XPOT: variants seen among roughly 807,000 people sequenced by gnomAD.
XPOT encodes exportin-T.
Under a neutral mutation model 128.2 loss-of-function variants are expected in XPOT, and 34 were observed. The ratio of observed to expected loss-of-function variants is 0.27; its 90% CI spans 0.20 to 0.35. XPOT has a LOEUF of 0.35. Among genes scored for constraint, XPOT ranks in the 10% least tolerant of loss-of-function variants. The probability of loss-of-function intolerance (pLI) is 1.00; values close to 1 mark genes in which losing one functional copy is unlikely to be tolerated. For synonymous variants in XPOT, 348 were observed against 394.3 expected, an observed-to-expected ratio of 0.88 and a Z score of 1.39; for missense variants, 838 against 1,125.3, an observed-to-expected ratio of 0.74 and a Z score of 3.65.
rs2040240778 is a variant in XPOT at position 64,431,770 on chromosome 12, A to C, written c.2209A>C (p.Lys737Gln). The C allele has an allele frequency of 6.2e-7, 1 of 1,614,014 alleles. No individual in the cohort carries two copies. Among genetic ancestry groups the C allele is most frequent in the Admixed American group, 1.7e-5 (1 of 60,004 alleles). ...ACATATGCTCAAAGATTGTGAAGCAAAAGATCTCCAGGAGTTCATTCCTCT... is the reference window on the plus strand; with the variant it reads ...ACATATGCTCAAAGATTGTGAAGCACAAGATCTCCAGGAGTTCATTCCTCT... Reference protein sequence around the residue: ...SEHMLKDCEAKDLQEFIPLIN... With the variant: ...SEHMLKDCEAQDLQEFIPLIN... The change falls in exon 18 of 25, where the codon AAA (lysine) becomes CAA (glutamine). Residue 737 changes from lysine (K) to glutamine (Q), a missense_variant. Coordinates refer to ENST00000332707, the MANE Select transcript of XPOT (RefSeq NM_007235.6).
Position 64,410,089 on chromosome 12 carries a change from A to G in XPOT, c.54A>G (p.Arg18=), listed in dbSNP as rs759513809. 1 of 1,613,736 alleles carries G rather than the reference A, an allele frequency of 6.2e-7. No homozygotes were observed. Among genetic ancestry groups the G allele is most frequent in the South Asian group, 1.1e-5 (1 of 91,086 alleles). Residue 18 remains arginine, a synonymous_variant, in exon 2 of 25, where the codon AGA becomes AGG. Coordinates refer to ENST00000332707, the MANE Select transcript of XPOT (RefSeq NM_007235.6). The part of the protein sequence containing the change: ...GLNPNADSDF[R]QRALAYFEQL... ...ATCCAAATGCTGATTCAGACTTTAGACAAAGGGTAAGTTACTCTGCTGAAT... is the reference window on the plus strand; with the variant it reads ...ATCCAAATGCTGATTCAGACTTTAGGCAAAGGGTAAGTTACTCTGCTGAAT...
At chr12:64,432,856 TCTGA>T (rs1435771983) in intron 18 of XPOT, among the ~76,000 whole-genome samples, 2 of 152,258 alleles carry the variant, frequency 1.3e-5, no homozygotes, top group South Asian at 2.1e-4. Flanking sequence ...GTGAAATATG[TCTGA>T]CTATTATTTT....
intron 14 of XPOT, 41 bp from the exon 15 acceptor site, chr12:64,425,774 T>G (rs750809119): frequency 8.2e-6 from 13 of 1,591,574 alleles, no homozygotes; most frequent in Non-Finnish European, 1.1e-5. Context: ...AACAAAACCC[T>G]TGAAAAAATG....
At position 64,448,078 on chromosome 12, in the gene XPOT, T is replaced by C. The variant is rs368179772; in HGVS notation, c.2863-27T>C. ...AAAGTGATATCTTCTGACATTAGTA[T>C]TGATTGCATTAATACTTTATTTACA... On this transcript the variant is annotated intron_variant, in intron 24 of 24. Transcript: ENST00000332707. The C allele has an allele frequency of 5.6e-6, 9 of 1,609,024 alleles. No homozygotes were observed. In the African/African-American group the frequency reaches 8.0e-5, roughly 14 times the overall value.
intron 15 of XPOT, among the ~76,000 whole-genome samples, 168 bp downstream of exon 15, chr12:64,426,077 G>A (rs1231332927): frequency 6.6e-6 from 1 of 151,974 alleles, no homozygotes; most frequent in Non-Finnish European, 1.5e-5. Context: ...CAACACTCTG[G>A]GAGGCCGATC....
chr12:64,433,422 A>G lies in XPOT; in HGVS notation c.2271A>G (p.Val757=). ...NQITAKFKIQ[V]SPFLQQMFMP... is the part of the protein sequence containing the mutation. Reference sequence around the variant, plus strand: ...TGATTGTTTATCTTCAGATACAGGTATCCCCGTTTTTACAACAGATGTTCA... The same window carrying G: ...TGATTGTTTATCTTCAGATACAGGTGTCCCCGTTTTTACAACAGATGTTCA... Residue 757 remains valine (V), a synonymous_variant, in exon 19 of 25, where the codon GTA becomes GTG. Coordinates refer to ENST00000332707, the MANE Select transcript of XPOT (RefSeq NM_007235.6). 2 of 1,551,964 alleles carry G rather than the reference A, an allele frequency of 1.3e-6. No individual in the cohort carries two copies. The highest frequency in any genetic ancestry group is 1.4e-5 in the African/African-American group (1 of 72,902).
rs1161954326 is a variant in XPOT at position 64,418,111 on chromosome 12, C to T, written c.266C>T (p.Ala89Val). The change falls in exon 5 of 25, where the codon GCT (alanine) becomes GTT (valine). Residue 89 changes from alanine (A) to valine (V), a missense_variant. This residue lies in a region of XPOT where 761 missense variants were observed against 988.3 expected (regional missense o/e 0.77). Coordinates refer to ENST00000332707, the MANE Select transcript of XPOT (RefSeq NM_007235.6). ...GAGACGCTCATATCATGGCTGCAAG[C>T]TCAGGTAAAATCATAATTTCATTCA... The part of the protein sequence containing the change: ...IRETLISWLQ[A>V]QMLNPQPEKT... The T allele has an allele frequency of 1.2e-6, 2 of 1,612,644 alleles. No individual in the cohort carries two copies. Among genetic ancestry groups the T allele is most frequent in the Non-Finnish European group, 1.7e-6 (2 of 1,179,250 alleles).
At position 64,445,059 on chromosome 12, in the gene XPOT, T is replaced by C; in HGVS notation, c.2806-16T>C. On this transcript the variant is annotated splice_polypyrimidine_tract_variant and intron_variant, in intron 23 of 24. Transcript: ENST00000332707. The stretch of plus-strand genomic sequence containing the variant: ...ATACATTTGTTCTTTTTCTCCCTCT[T>C]TTCCCCACCCCCCAGGAGTTTTGTC... 6.3e-7 allele frequency: 1 copy of C among 1,599,020 alleles called. No individual in the cohort carries two copies. Among genetic ancestry groups the C allele is most frequent in the Non-Finnish European group, 8.5e-7 (1 of 1,174,586 alleles).
Position 64,420,433 on chromosome 12 carries a change from A to G in XPOT, c.755A>G (p.Asn252Ser). The G allele has an allele frequency of 6.2e-7, 1 of 1,613,870 alleles. No individual in the cohort carries two copies. Among genetic ancestry groups the G allele is most frequent in the Middle Eastern group, 1.7e-4 (1 of 6,058 alleles). The change falls in exon 8 of 25, where the codon AAT (asparagine) becomes AGT (serine). Residue 252 changes from asparagine to serine, a missense_variant. Physicochemically the swap from Asn to Ser is conservative, Grantham distance 46 (BLOSUM62 1). Around this residue, in one of 3 missense-constraint regions of XPOT, gnomAD observed 761 missense variants for 988.3 expected, o/e 0.77. Transcript: ENST00000332707. Reference sequence around the variant, plus strand: ...TGTGACTGTTTATTTGAAGTTGTAAATAAAGGAATGGACCCTGTTGATAAA... The same window carrying G: ...TGTGACTGTTTATTTGAAGTTGTAAGTAAAGGAATGGACCCTGTTGATAAA... ...EACDCLFEVV[N>S]KGMDPVDKMK...
intron 2 of XPOT, among the ~76,000 whole-genome samples, chr12:64,412,643 A>T (rs1253647513): frequency 6.6e-6 from 1 of 152,180 alleles, no homozygotes; most frequent in Admixed American, 6.5e-5. Context: ...GTTTTCCAAT[A>T]CCAACAACCA....
At position 64,420,734 on chromosome 12, in the gene XPOT, T is replaced by G. The variant is rs146635589; in HGVS notation, c.843+213T>G. On this transcript the variant is annotated intron_variant, in intron 8 of 24. Transcript: ENST00000332707. ...AGTTCTTAAACCTGAAAGCCTGTAA[T>G]TGCACATTTCTCACAAACTCTTAGG... Among the ~76,000 whole-genome samples, 733 of 152,302 alleles carry G rather than the reference T, an allele frequency of 4.8e-3. 5 individuals are homozygous for G. Among genetic ancestry groups the G allele is most frequent in the African/African-American group, 0.017 (689 of 41,566 alleles).
At chr12:64,438,180 C>T (rs189955678) in intron 22 of XPOT, among the ~76,000 whole-genome samples, 5 of 152,222 alleles carry the variant, frequency 3.3e-5, no homozygotes, top group Admixed American at 6.5e-5. Context: ...CCATAGAAGT[C>T]GTAATTTAAA....
intron 18 of XPOT, 71 bp downstream of exon 18, chr12:64,431,894 A>T (rs1005699636): frequency 3.8e-5 from 58 of 1,510,942 alleles, no homozygotes; most frequent in Non-Finnish European, 3.4e-5. Flanking sequence ...CATGTTTCGG[A>T]TTTTGCCCTT....
intron 24 of XPOT, among the ~76,000 whole-genome samples, chr12:64,446,265 G>C (rs1231563150): frequency 1.3e-5 from 2 of 152,148 alleles, no homozygotes; most frequent in Non-Finnish European, 2.9e-5. Flanking sequence ...TTATTTATCT[G>C]CATAGCATTT....
intron 1 of XPOT, among the ~76,000 whole-genome samples, chr12:64,406,719 T>C (rs1403068132): frequency 1.3e-5 from 2 of 152,180 alleles, no homozygotes; most frequent in Non-Finnish European, 2.9e-5. Flanking sequence ...GAAGCTTTTA[T>C]TGGACTTCTC....
chr12:64,413,684 A>T (rs1309558028), intron 2 of XPOT, among the ~76,000 whole-genome samples: 2 of 152,192 alleles, frequency 1.3e-5, no homozygotes, highest in African/African-American at 4.8e-5. Flanking sequence ...CTATCACCTA[A>T]ATATAAATAC....
At chr12:64,423,688 A>G (rs936532417) in intron 11 of XPOT, among the ~76,000 whole-genome samples, 1 of 152,130 alleles carries the variant, frequency 6.6e-6, no homozygotes, top group African/African-American at 2.4e-5. Flanking sequence ...TCCTGGCCTC[A>G]AGTGATCTGC....
At chr12:64,421,098 A>G (rs2040134717) in intron 8 of XPOT, 137 bp from the exon 9 acceptor site, 5 of 741,246 alleles carry the variant, frequency 6.7e-6, no homozygotes, top group Non-Finnish European at 1.1e-5. Context: ...CACCGTGCCC[A>G]GCCTGGAATT....
rs183521205 is a variant in XPOT, at chr12:64,415,355, T to G, written c.143+366T>G. On this transcript the variant is annotated intron_variant, in intron 3 of 24. Coordinates refer to ENST00000332707, the MANE Select transcript of XPOT (RefSeq NM_007235.6). ...AATGATATATATCTTAATTTTAAAATTATTTATTTATTTTATTATTATTAT... is the reference window on the plus strand; with the variant it reads ...AATGATATATATCTTAATTTTAAAAGTATTTATTTATTTTATTATTATTAT... 1.7e-3 allele frequency among the ~76,000 whole-genome samples: 260 copies of G among 151,226 alleles called. 2 individuals are homozygous for G. The highest frequency in any genetic ancestry group is 4.4e-3 in the Admixed American group (66 of 15,168).
Sources: gnomAD v4.1 joint callset for allele counts (sites outside exome capture counted in the v4.1 genomes callset) on GRCh38, gnomAD v4.1.1 for gene constraint, gnomAD v4.1.1 regional missense constraint, MANE v1.5 for transcripts, NCBI Gene and HGNC (gene_info 2026-07-23, HGNC 2026-07-21) for gene names.